The following HMX1 variants were observed in gnomAD, a reference collection of about 807,000 sequenced individuals.
HMX1 encodes the protein homeobox protein HMX1.
A neutral mutation model predicts 8.9 loss-of-function variants in HMX1; 8 were observed. The ratio of observed to expected loss-of-function variants is 0.90; its 90% CI spans 0.53 to 1.63. The LOEUF is 1.63. Among genes scored for constraint, HMX1 ranks in the 40% most tolerant of loss-of-function variants. HMX1 has a pLI of 0.00. For synonymous variants in HMX1, 311 were observed against 283.4 expected (o/e 1.10, Z -0.98); for missense variants, 621 against 558.5 (o/e 1.11, Z -1.13).
chr4:8,848,366 C>T lies in HMX1; in HGVS notation c.395-2042G>A, dbSNP rs1202757882. 1.3e-5 allele frequency among the ~76,000 whole-genome samples: 2 copies of T among 152,214 alleles called. No individual in the cohort carries two copies. Among genetic ancestry groups the T allele is most frequent in the Non-Finnish European group, 2.9e-5 (2 of 68,036 alleles). On this transcript the variant is annotated intron_variant, in intron 1 of 1. Transcript: ENST00000506970. The surrounding 1 kb of genome is among the most constrained non-coding windows in gnomAD (Gnocchi z 4.1). ...AAATTTATATCACATATGTGGTTCACAGTCATAGCTTCTATTGGACAATGC... is the reference window on the plus strand; with the variant it reads ...AAATTTATATCACATATGTGGTTCATAGTCATAGCTTCTATTGGACAATGC...
At chr4:8,867,025 G>T, downstream of HMX1, 1 of 963,366 alleles carries the variant, frequency 1.0e-6, no homozygotes, top group Non-Finnish European at 1.2e-6. Context: ...CTCTGCCCTC[G>T]TGATCACAAA....
rs543051154 is a variant in HMX1, at chr4:8,848,221, G to A, written c.395-1897C>T. Among the ~76,000 whole-genome samples the A allele has an allele frequency of 4.6e-5, 7 of 152,280 alleles. No individual in the cohort carries two copies. The highest frequency in any genetic ancestry group is 3.9e-4 in the East Asian group (2 of 5,182). On this transcript the variant is annotated intron_variant, in intron 1 of 1. Coordinates refer to the HMX1 transcript ENST00000506970. This position sits in a 1 kb window ranked among gnomAD's most constrained non-coding sequence, Gnocchi z 4.1. ...CTTTTGTGCTCTCCAAAGAGAGTCC[G>A]AAACATGTAAAGCAACTCAATATTT...
intron 1 of HMX1, among the ~76,000 whole-genome samples, chr4:8,861,161 G>A (rs1329321175): frequency 2.0e-5 from 3 of 152,176 alleles, no homozygotes; most frequent in Non-Finnish European, 2.9e-5. Context: ...AGCCCCGCGG[G>A]TCCGGGCGCC....
At chr4:8,860,960 CGGGGGCGAGGGCGGGGGA>C (rs1553815968) in intron 1 of HMX1, 3 of 32,896 alleles carry the variant, frequency 9.1e-5, no homozygotes, top group Non-Finnish European at 6.2e-5. Context: ...CGGGCGGGGG[CGGGGGCGAGGGCGGGGGA>C]GGGGGCGGGG....
intron 1 of HMX1, among the ~76,000 whole-genome samples, chr4:8,855,885 G>A (rs1721594149): frequency 6.6e-6 from 1 of 152,198 alleles, no homozygotes; most frequent in Non-Finnish European, 1.5e-5. Context: ...CTGGAAAGAG[G>A]AGGTTCCTGT....
chr4:8,856,379 T>G (rs1488463045), intron 1 of HMX1, among the ~76,000 whole-genome samples: 2 of 152,132 alleles, frequency 1.3e-5, no homozygotes, highest in Non-Finnish European at 2.9e-5. Context: ...ATGAGGAATC[T>G]CTTCTGGTAG....
chr4:8,852,647 G>A (rs527869498), intron 1 of HMX1, among the ~76,000 whole-genome samples: 7 of 152,238 alleles, frequency 4.6e-5, no homozygotes, highest in Non-Finnish European at 8.8e-5. Context: ...CACTGGTGCA[G>A]CTGAAGGGCT....
At chr4:8,855,430 T>G (rs1721580290) in intron 1 of HMX1, among the ~76,000 whole-genome samples, 1 of 152,110 alleles carries the variant, frequency 6.6e-6, no homozygotes, top group African/African-American at 2.4e-5. Flanking sequence ...AGCCGTGACC[T>G]CAGGGAATGC....
In HMX1 at chr4:8,868,302, A is replaced by T; in HGVS notation, c.438T>A (p.Arg146=). The T allele has an allele frequency of 1.4e-6, 2 of 1,440,492 alleles. No individual in the cohort carries two copies. Among genetic ancestry groups the T allele is most frequent in the Non-Finnish European group, 1.8e-6 (2 of 1,102,588 alleles). 89.2% of individuals were successfully genotyped at this position (1,440,492 alleles called of 1,614,324 possible). The change falls in exon 2 of 2, where the codon CGT becomes CGA. Residue 146 remains arginine (R), a synonymous_variant. Coordinates refer to ENST00000400677, the MANE Select transcript of HMX1 (RefSeq NM_018942.3). This position sits in a 1 kb window ranked among gnomAD's most constrained non-coding sequence, Gnocchi z 4.6. Reference sequence around the variant, plus strand: ...GGCCTCGCGGCCAGGCGCCCTCCGCACGGCCCATCTCCTCGCCCGTCTCCG... The same window carrying T: ...GGCCTCGCGGCCAGGCGCCCTCCGCTCGGCCCATCTCCTCGCCCGTCTCCG... ...DSPETGEEMG[R]AEGAWPRGPG...
At chr4:8,846,360 G>C (rs1721275536) in intron 1 of HMX1, 1 of 1,465,996 alleles carries the variant, frequency 6.8e-7, no homozygotes, top group South Asian at 1.2e-5. Context: ...GGGAGCACTA[G>C]TCATGTCTGC....
downstream of HMX1, chr4:8,867,009 A>G: frequency 1.1e-6 from 1 of 926,738 alleles, no homozygotes; most frequent in Non-Finnish European, 1.3e-6. Context: ...GCGCAGCTTG[A>G]GCTGTCTCTG....
Position 8,867,666 on chromosome 4 carries a change from G to C in HMX1, c.*27C>G, listed in dbSNP as rs1239756563. On this transcript the variant is annotated 3_prime_UTR_variant, in exon 2 of 2. Coordinates refer to ENST00000400677, the MANE Select transcript of HMX1 (RefSeq NM_018942.3). Reference sequence around the variant, plus strand: ...CGCGTCCACACAGGTCCACAGGGTCGTGGGGAGAGGGCCCGGCAGGCGGGG... The same window carrying C: ...CGCGTCCACACAGGTCCACAGGGTCCTGGGGAGAGGGCCCGGCAGGCGGGG... 2 of 1,237,156 alleles carry C rather than the reference G, an allele frequency of 1.6e-6. No individual in the cohort carries two copies. Among genetic ancestry groups the C allele is most frequent in the African/African-American group, 3.1e-5 (2 of 64,160 alleles). The allele number at this position is 1,237,156 out of a possible 1,614,324, so 76.6% of individuals were successfully genotyped here.
At position 8,867,067 on chromosome 4, in the gene HMX1, T is replaced by G; in HGVS notation, c.*626A>C. ...AAACTGTCCAGAAAATGTCCCTTTT[T>G]ATTCCATACGCAAATAAGTAGATTC... On this transcript the variant is annotated 3_prime_UTR_variant, in exon 2 of 2. Coordinates refer to ENST00000400677, the MANE Select transcript of HMX1 (RefSeq NM_018942.3). 2.0e-6 allele frequency: 2 copies of G among 985,284 alleles called. No homozygotes were observed. 61.0% of individuals were successfully genotyped at this position (985,284 alleles called of 1,614,324 possible).
intron 1 of HMX1, among the ~76,000 whole-genome samples, chr4:8,852,566 G>C (rs1410914513): frequency 6.6e-6 from 1 of 152,208 alleles, no homozygotes. Flanking sequence ...TGGGTGTGGG[G>C]AACTGGACGC....
Position 8,871,501 on chromosome 4 carries a change from G to T in HMX1, c.114C>A (p.Gly38=), listed in dbSNP as rs572039659. The T allele has an allele frequency of 1.0e-5, 14 of 1,339,020 alleles. No individual in the cohort carries two copies. The East Asian group carries it at 3.5e-4, about 34-fold the overall frequency. The allele number at this position is 1,339,020 out of a possible 1,614,324, so 82.9% of individuals were successfully genotyped here. A position where few individuals can be genotyped will look rare whatever the true frequency, so the allele number is the denominator to read the frequency against. ...CCTCCTCGTCCTCCCGGCTGCCGTC[G>T]CCCTGGGTCGCGCGCCCTGCGCCCT... ...EAKGAGRATQ[G]DGSREDEEED... is the part of the protein sequence containing the mutation. Residue 38 remains glycine, a synonymous_variant, in exon 1 of 2, where the codon GGC becomes GGA. Coordinates refer to ENST00000400677, the MANE Select transcript of HMX1 (RefSeq NM_018942.3). This position sits in a 1 kb window ranked among gnomAD's most constrained non-coding sequence, Gnocchi z 4.8.
chr4:8,850,613 C>T (rs758104835), intron 1 of HMX1, among the ~76,000 whole-genome samples: 2 of 152,212 alleles, frequency 1.3e-5, no homozygotes, highest in African/African-American at 4.8e-5. Flanking sequence ...TGCCCACAAT[C>T]GCCTCCACCA....
chr4:8,850,153 G>A (rs978976698), intron 1 of HMX1, among the ~76,000 whole-genome samples: 2 of 152,128 alleles, frequency 1.3e-5, no homozygotes, highest in African/African-American at 4.8e-5. Flanking sequence ...AGGAGTGGAA[G>A]AGCCCAGGTT....
At chr4:8,857,742 GTGCAT>G (rs1721660085) in intron 1 of HMX1, among the ~76,000 whole-genome samples, 1 of 152,180 alleles carries the variant, frequency 6.6e-6, no homozygotes, top group East Asian at 1.9e-4. Context: ...TGTCTAAATC[GTGCAT>G]TTTACGCGAC....
rs894975144 is a variant in HMX1, at chr4:8,871,767, C to CGGGCT, written c.-158_-154dup. 4 of 956,582 alleles carry CGGGCT rather than the reference C, an allele frequency of 4.2e-6. No homozygotes were observed. The highest frequency in any genetic ancestry group is 4.8e-5 in the South Asian group (1 of 20,954). 59.3% of individuals were successfully genotyped at this position (956,582 alleles called of 1,614,324 possible). On this transcript the variant is annotated 5_prime_UTR_variant, in exon 1 of 2. Coordinates refer to ENST00000400677, the MANE Select transcript of HMX1 (RefSeq NM_018942.3). The surrounding 1 kb of genome is among the most constrained non-coding windows in gnomAD (Gnocchi z 4.8). ...GCAGGGCAGGCGGCGGCCTCCGCGCCGGGCTGGGCTGGGCCGGGCCGGGAG... is the reference window on the plus strand; with the variant it reads ...GCAGGGCAGGCGGCGGCCTCCGCGCCGGGCTGGGCTGGGCTGGGCCGGGCCGGGAG...
Sources: allele counts gnomAD v4.1 joint callset (sites outside exome capture counted in the v4.1 genomes callset), GRCh38; gene constraint gnomAD v4.1.1; non-coding constraint Gnocchi (gnomAD v3.1); transcripts MANE v1.5; gene names NCBI Gene and HGNC (gene_info 2026-07-23, HGNC 2026-07-21).